Variants in GRIK2 observed in about 807,000 individuals in gnomAD.
The protein encoded by GRIK2 is glutamate receptor ionotropic, kainate 2.
A neutral mutation model predicts 100.3 loss-of-function variants in GRIK2; 32 were observed. That is an observed-to-expected ratio of 0.32 (90% confidence interval 0.24 to 0.43). The LOEUF (loss-of-function observed/expected upper bound fraction) is 0.43. GRIK2 is among the 20% of genes least tolerant of loss of function. The probability of loss-of-function intolerance (pLI) is 1.00; values close to 1 mark genes in which losing one functional copy is unlikely to be tolerated. For missense variants in GRIK2, 843 were observed against 1,114.9 expected (o/e 0.76, Z 3.47); for synonymous variants, 417 against 389.4 (o/e 1.07, Z -0.83).
intron 7 of GRIK2, among the ~76,000 whole-genome samples, chr6:101,730,659 T>C (rs1337234754): frequency 6.6e-6 from 1 of 151,676 alleles, no homozygotes; most frequent in African/African-American, 2.4e-5. Flanking sequence ...TTTTTTTTTG[T>C]CACATTCTTG....
chr6:101,668,279 G>A (rs546084251), intron 4 of GRIK2, among the ~76,000 whole-genome samples: 25 of 152,020 alleles, frequency 1.6e-4, no homozygotes, highest in African/African-American at 5.3e-4. Context: ...GAAAAAATCC[G>A]CATCACCACC....
At chr6:101,595,761 A>G (rs1253392174) in intron 2 of GRIK2, among the ~76,000 whole-genome samples, 1 of 144,336 alleles carries the variant, frequency 6.9e-6, no homozygotes, top group African/African-American at 2.6e-5. Flanking sequence ...TATAAATGCT[A>G]GAAGTCATCT....
At chr6:101,443,138 G>T (rs530863751) in intron 2 of GRIK2, among the ~76,000 whole-genome samples, 1 of 152,140 alleles carries the variant, frequency 6.6e-6, no homozygotes, top group South Asian at 2.1e-4. Flanking sequence ...TTCAAAGTAC[G>T]AAAGGGGTCT....
At chr6:101,420,679 A>C (rs1196102949) in intron 2 of GRIK2, among the ~76,000 whole-genome samples, 6 of 152,208 alleles carry the variant, frequency 3.9e-5, no homozygotes, top group Non-Finnish European at 8.8e-5. Flanking sequence ...TTTGTTAAAC[A>C]GCAACTCTGT....
chr6:101,856,323 A>C (rs1316737130), intron 10 of GRIK2, among the ~76,000 whole-genome samples: 2 of 152,124 alleles, frequency 1.3e-5, no homozygotes, highest in South Asian at 2.1e-4. Flanking sequence ...AACATGTAAA[A>C]GTTTTGGGGA....
At chr6:101,682,967 G>C (rs1172424360) in intron 6 of GRIK2, among the ~76,000 whole-genome samples, 2 of 152,066 alleles carry the variant, frequency 1.3e-5, no homozygotes, top group Non-Finnish European at 2.9e-5. Flanking sequence ...ACTTTGGTAG[G>C]CCGGGGCAGA....
chr6:101,451,486 A>C (rs1397377767), intron 2 of GRIK2, among the ~76,000 whole-genome samples: 1 of 151,674 alleles, frequency 6.6e-6, no homozygotes, highest in African/African-American at 2.4e-5. Context: ...ATAAAACTAG[A>C]CTAATTATGT....
chr6:101,415,711 A>G (rs1057040778), intron 2 of GRIK2, among the ~76,000 whole-genome samples: 7 of 152,106 alleles, frequency 4.6e-5, no homozygotes, highest in Non-Finnish European at 1.0e-4. Context: ...AATTTGTATT[A>G]CAGAGGTGCT....
intron 2 of GRIK2, among the ~76,000 whole-genome samples, chr6:101,530,778 G>T (rs1775403326): frequency 6.6e-6 from 1 of 151,912 alleles, no homozygotes; most frequent in South Asian, 2.1e-4. Flanking sequence ...AATCTACAGA[G>T]GCAAACATGA....
chr6:101,832,879 G>C (rs755338926), intron 10 of GRIK2, among the ~76,000 whole-genome samples: 2 of 152,110 alleles, frequency 1.3e-5, no homozygotes, highest in African/African-American at 2.4e-5. Context: ...CATTACTACT[G>C]TGAAATATTT....
intron 12 of GRIK2, among the ~76,000 whole-genome samples, chr6:101,908,781 G>C (rs1463327318): frequency 1.1e-5 from 1 of 87,262 alleles, no homozygotes; most frequent in African/African-American, 4.7e-5. Flanking sequence ...GATAAAAATG[G>C]AGATATAATG....
Position 101,553,964 on chromosome 6 carries a change from C to T in GRIK2, c.116-67985C>T, listed in dbSNP as rs147911095. Among the ~76,000 whole-genome samples the T allele has an allele frequency of 4.8e-3, 730 of 152,224 alleles. 8 individuals carry two copies. Among genetic ancestry groups the T allele is most frequent in the African/African-American group, 0.017 (691 of 41,536 alleles). ...TGACAGACGCAGTCACCTCAGTGGA[C>T]GGGTGTTGTTTGGGCCACTTCCCTG... On this transcript the variant is annotated intron_variant, in intron 2 of 16. Transcript: ENST00000369134.
chr6:101,622,342 A>T (rs957126914), intron 3 of GRIK2, among the ~76,000 whole-genome samples: 17 of 151,966 alleles, frequency 1.1e-4, no homozygotes, highest in Non-Finnish European at 1.8e-4. Context: ...TGTTAGTGAA[A>T]TTTTTTTTCT....
At chr6:101,494,685 C>A (rs990896238) in intron 2 of GRIK2, among the ~76,000 whole-genome samples, 5 of 151,634 alleles carry the variant, frequency 3.3e-5, no homozygotes, top group African/African-American at 1.2e-4. Context: ...AATCCCAGCA[C>A]TTTGGGAGGC....
At chr6:101,638,218 A>T (rs1342161473) in intron 4 of GRIK2, among the ~76,000 whole-genome samples, 3 of 150,310 alleles carry the variant, frequency 2.0e-5, no homozygotes, top group African/African-American at 4.9e-5. Context: ...ACAAGTAATT[A>T]TCAAGTATCT....
At chr6:101,661,629 C>T (rs1191459925) in intron 4 of GRIK2, among the ~76,000 whole-genome samples, 5 of 152,106 alleles carry the variant, frequency 3.3e-5, no homozygotes. Context: ...ATCTCCTGGT[C>T]TGGTGGTTGT....
intron 2 of GRIK2, among the ~76,000 whole-genome samples, chr6:101,454,428 C>T (rs1301196389): frequency 6.6e-6 from 1 of 152,090 alleles, no homozygotes; most frequent in Non-Finnish European, 1.5e-5. Context: ...ACTCCTGCCC[C>T]TCCCATGAGT....
intron 2 of GRIK2, among the ~76,000 whole-genome samples, chr6:101,513,924 T>C (rs939850795): frequency 6.6e-6 from 1 of 151,862 alleles, no homozygotes; most frequent in Admixed American, 6.6e-5. Context: ...GTTAGTACAA[T>C]AGGGAAAAAA....
chr6:101,897,006 ACACAC>A (rs1354224541), intron 12 of GRIK2, among the ~76,000 whole-genome samples: 49 of 144,854 alleles, frequency 3.4e-4, no homozygotes, highest in African/African-American at 1.3e-3. Flanking sequence ...TAACACACAC[ACACAC>A]ACACACACAC....
Sources: allele counts gnomAD v4.1 joint callset (sites outside exome capture counted in the v4.1 genomes callset), GRCh38; gene constraint gnomAD v4.1.1; transcripts MANE v1.5; gene names NCBI Gene and HGNC (gene_info 2026-07-23, HGNC 2026-07-21).